GRID1: variants seen among roughly 807,000 people sequenced by gnomAD.
GRID1 encodes the protein glutamate ionotropic receptor delta type subunit 1.
A neutral mutation model predicts 98.0 loss-of-function variants in GRID1; 28 were observed. The ratio of observed to expected loss-of-function variants is 0.29; its 90% CI spans 0.21 to 0.39. The LOEUF (loss-of-function observed/expected upper bound fraction) is 0.39. GRID1 is among the 10% of genes least tolerant of loss of function. The pLI, the probability that GRID1 is intolerant of heterozygous loss-of-function variation, is 1.00. For missense variants in GRID1, 1,111 were observed against 1,340.5 expected (o/e 0.83, Z 2.67); for synonymous variants, 553 against 538.5 (o/e 1.03, Z -0.37).
In GRID1 at chr10:86,022,484, G is replaced by A. The variant is rs2131887764; in HGVS notation, c.727-106245C>T. Among the ~76,000 whole-genome samples, 4 of 152,148 alleles carry A rather than the reference G, an allele frequency of 2.6e-5. No individual in the cohort carries two copies. The South Asian group carries it at 8.3e-4, about 32-fold the overall frequency. ...GCCATGCTGCCTCCTGCCCATAAGG[G>A]TCATTAGCCCCAAACCCCAAAGTCA... On this transcript the variant is annotated intron_variant, in intron 4 of 15. Coordinates refer to ENST00000327946, the MANE Select transcript of GRID1 (RefSeq NM_017551.3).
chr10:86,019,397 G>A (rs574968220), intron 4 of GRID1, among the ~76,000 whole-genome samples: 1 of 152,350 alleles, frequency 6.6e-6, no homozygotes, highest in South Asian at 2.1e-4. Context: ...TCATCAGGAT[G>A]TCCATAGTGC....
intron 12 of GRID1, among the ~76,000 whole-genome samples, chr10:85,661,189 C>T (rs1449633171): frequency 1.3e-5 from 2 of 151,036 alleles, no homozygotes; most frequent in South Asian, 2.1e-4. Context: ...TTTTTTAGCC[C>T]GGGCCTGTGA....
intron 2 of GRID1, among the ~76,000 whole-genome samples, chr10:86,363,466 T>C (rs1341967127): frequency 6.6e-6 from 1 of 152,108 alleles, no homozygotes; most frequent in Non-Finnish European, 1.5e-5. Flanking sequence ...CCTACCAGGT[T>C]ATGCCCGGGA....
At chr10:85,914,576 G>A (rs754432506) in intron 5 of GRID1, among the ~76,000 whole-genome samples, 3 of 152,168 alleles carry the variant, frequency 2.0e-5, no homozygotes, top group Non-Finnish European at 4.4e-5. Context: ...CACGTCCCCA[G>A]CTGCCCTCTG....
chr10:86,206,713 T>G lies in GRID1; in HGVS notation c.236-65A>C. The G allele has an allele frequency of 6.8e-7, 1 of 1,464,370 alleles. No homozygotes were observed. Among genetic ancestry groups the G allele is most frequent in the East Asian group, 2.3e-5 (1 of 43,186 alleles). 90.7% of individuals were successfully genotyped at this position (1,464,370 alleles called of 1,614,324 possible). A position where few individuals can be genotyped will look rare whatever the true frequency, so the allele number is the denominator to read the frequency against. ...GGGCGATGCTGCACCAGCTTCAACC[T>G]GCAGGCCCCATGCCTGGCAGCTCAT... On this transcript the variant is annotated intron_variant, in intron 2 of 15. Coordinates refer to ENST00000327946, the MANE Select transcript of GRID1 (RefSeq NM_017551.3). This position sits in a 1 kb window ranked among gnomAD's most constrained non-coding sequence, Gnocchi z 4.1.
chr10:86,214,355 A>C (rs1263257810), intron 2 of GRID1, among the ~76,000 whole-genome samples: 1 of 152,132 alleles, frequency 6.6e-6, no homozygotes, highest in Non-Finnish European at 1.5e-5. Flanking sequence ...TGTCTGGCTA[A>C]TTCTCCTTCT....
chr10:86,116,351 T>A (rs942140805), intron 4 of GRID1, among the ~76,000 whole-genome samples: 3 of 152,164 alleles, frequency 2.0e-5, no homozygotes, highest in African/African-American at 7.2e-5. Context: ...CTGCAATGCC[T>A]CTACCCCTAG....
At chr10:85,723,466 AG>A (rs1421656243) in intron 11 of GRID1, among the ~76,000 whole-genome samples, 1 of 152,226 alleles carries the variant, frequency 6.6e-6, no homozygotes, top group African/African-American at 2.4e-5. Context: ...CACAGTGGTA[AG>A]AACTTCTAGG....
chr10:86,287,307 C>T (rs1847445568), intron 2 of GRID1, among the ~76,000 whole-genome samples: 1 of 152,170 alleles, frequency 6.6e-6, no homozygotes, highest in African/African-American at 2.4e-5. Flanking sequence ...GTCATTGACT[C>T]AATTCTCTCG....
intron 4 of GRID1, among the ~76,000 whole-genome samples, chr10:86,030,487 T>C (rs1843171633): frequency 6.6e-6 from 1 of 152,246 alleles, no homozygotes; most frequent in African/African-American, 2.4e-5. Context: ...ATCAGAATGG[T>C]TGACAGCAAT....
chr10:85,638,227 C>A (rs1014843196), intron 13 of GRID1, among the ~76,000 whole-genome samples: 1 of 152,118 alleles, frequency 6.6e-6, no homozygotes, highest in Non-Finnish European at 1.5e-5. Context: ...AACAGAAAAA[C>A]CATGCTCATA....
chr10:86,250,848 C>G (rs1846816022), intron 2 of GRID1, among the ~76,000 whole-genome samples: 2 of 152,186 alleles, frequency 1.3e-5, no homozygotes, highest in South Asian at 4.1e-4. Context: ...GAGGTGTACC[C>G]AACAGCTCAT....
chr10:85,683,264 T>C (rs577959482), intron 12 of GRID1, among the ~76,000 whole-genome samples: 21 of 152,318 alleles, frequency 1.4e-4, no homozygotes, highest in Admixed American at 5.2e-4. Context: ...TGATTATCTC[T>C]TACAGGTGGT....
intron 8 of GRID1, among the ~76,000 whole-genome samples, chr10:85,758,757 G>A (rs1356577035): frequency 1.3e-5 from 2 of 152,146 alleles, no homozygotes; most frequent in Non-Finnish European, 2.9e-5. Flanking sequence ...CTTCCTCATA[G>A]GGCTATGGAT....
intron 12 of GRID1, among the ~76,000 whole-genome samples, chr10:85,722,119 C>G (rs997514563): frequency 6.6e-6 from 1 of 152,086 alleles, no homozygotes; most frequent in East Asian, 1.9e-4. Flanking sequence ...AGTTTAAACT[C>G]TTTTCAATAG....
chr10:85,754,494 T>C (rs903152096), intron 8 of GRID1, among the ~76,000 whole-genome samples: 1 of 152,130 alleles, frequency 6.6e-6, no homozygotes, highest in Non-Finnish European at 1.5e-5. Flanking sequence ...TCTGAGCATA[T>C]GAGACTAGGG....
chr10:85,903,897 C>T (rs1033386866), intron 5 of GRID1, among the ~76,000 whole-genome samples: 1 of 152,178 alleles, frequency 6.6e-6, no homozygotes, highest in Non-Finnish European at 1.5e-5. Flanking sequence ...TCAAATGTTA[C>T]CTCATCAAAT....
intron 4 of GRID1, among the ~76,000 whole-genome samples, chr10:86,019,417 G>A (rs1182528251): frequency 1.3e-5 from 2 of 152,242 alleles, no homozygotes; most frequent in Non-Finnish European, 2.9e-5. Flanking sequence ...CCCCCATCAG[G>A]GAGAGGGCTC....
rs183952424 is a variant in GRID1, at chr10:86,091,841, C to T, written c.726+46978G>A. ...TGCAGACAACCCCCAATACCAGCCCCGAGCCGGGTAGACTCGCTGGGTAGC... is the reference window on the plus strand; with the variant it reads ...TGCAGACAACCCCCAATACCAGCCCTGAGCCGGGTAGACTCGCTGGGTAGC... On this transcript the variant is annotated intron_variant, in intron 4 of 15. Coordinates refer to ENST00000327946, the MANE Select transcript of GRID1 (RefSeq NM_017551.3). 2.3e-3 allele frequency among the ~76,000 whole-genome samples: 347 copies of T among 152,276 alleles called. 2 individuals carry two copies. The highest frequency in any genetic ancestry group is 4.0e-3 in the Non-Finnish European group (269 of 68,016).
Sources: gnomAD v4.1 joint callset for allele counts (sites outside exome capture counted in the v4.1 genomes callset) on GRCh38, gnomAD v4.1.1 for gene constraint, Gnocchi (gnomAD v3.1) non-coding constraint, MANE v1.5 for transcripts, NCBI Gene and HGNC (gene_info 2026-07-23, HGNC 2026-07-21) for gene names.